LRP2: variants seen among roughly 807,000 people sequenced by gnomAD.
LRP2 encodes the protein low-density lipoprotein receptor-related protein 2.
LRP2 carries 172 observed loss-of-function variants against 531.0 expected under a neutral mutation model. That is an observed-to-expected ratio of 0.32 (90% CI 0.29 to 0.37). The LOEUF (loss-of-function observed/expected upper bound fraction) is 0.37, where lower values mean the gene tolerates loss of function less well. Among genes scored for constraint, LRP2 ranks in the 10% least tolerant of loss-of-function variants. The pLI is 1.00. For missense variants in LRP2, 5,167 were observed against 5,868.3 expected (o/e 0.88, Z 3.90); for synonymous variants, 1,992 against 2,027.6 (o/e 0.98, Z 0.47).
chr2:169,181,581 T>G lies in LRP2; in HGVS notation c.10036A>C (p.Ile3346Leu), dbSNP rs369484329. The G allele has an allele frequency of 6.2e-7, 1 of 1,614,150 alleles. No homozygotes were observed. The highest frequency in any genetic ancestry group is 8.5e-7 in the Non-Finnish European group (1 of 1,180,020). ...YWADWGHRAY[I>L]GRVGMDGTNK... ...GTTCCATCCATGCCTACTCTCCCAA[T>G]GTATGCGCGGTGACCCCAGTCTGCC... The change falls in exon 52 of 79, where the codon ATT becomes CTT. Residue 3346 changes from isoleucine to leucine, a missense_variant. This residue lies in a region of LRP2 where 1,129 missense variants were observed against 1,362.7 expected (regional missense o/e 0.83). Transcript: ENST00000649046.
chr2:169,291,326 T>C (rs1683993454), intron 7 of LRP2, among the ~76,000 whole-genome samples: 1 of 152,230 alleles, frequency 6.6e-6, no homozygotes, highest in African/African-American at 2.4e-5. Context: ...TCATGAATTA[T>C]AGAATTAGGG....
Position 169,160,288 on chromosome 2 carries a change from AT to A in LRP2, c.11887+2183del, listed in dbSNP as rs1268045859. ...TTTAGGTGCTCTTACCACAAAAATA[AT>A]TTTTTTAAAGATAACTATGTGAGAT... On this transcript the variant is annotated intron_variant, in intron 63 of 78. Transcript: ENST00000649046. 5.9e-5 allele frequency among the ~76,000 whole-genome samples: 9 copies of A among 152,278 alleles called. No homozygotes were observed. The East Asian group carries it at 1.5e-3, about 26-fold the overall frequency.
Position 169,191,844 on chromosome 2 carries a change from G to C in LRP2, c.9020C>G (p.Pro3007Arg), listed in dbSNP as rs2105311026. ...ATCCTCAATTCACCTGAATATCTTTGGGATACACAGTCCGTAACCACAGGT... is the reference window on the plus strand; with the variant it reads ...ATCCTCAATTCACCTGAATATCTTTCGGATACACAGTCCGTAACCACAGGT... ...EFTCGYGLCI[P>R]KIFRCDRHND... The change falls in exon 48 of 79, where the codon CCA (proline) becomes CGA (arginine). Residue 3007 changes from proline to arginine, a missense_variant. Transcript: ENST00000649046. 6.2e-7 allele frequency: 1 copy of C among 1,613,778 alleles called. No homozygotes were observed. Among genetic ancestry groups the C allele is most frequent in the South Asian group, 1.1e-5 (1 of 91,060 alleles).
intron 52 of LRP2, 84 bp from the exon 53 acceptor site, chr2:169,178,110 A>T: frequency 1.0e-6 from 1 of 1,004,280 alleles, no homozygotes; most frequent in Non-Finnish European, 1.5e-6. Flanking sequence ...TTCACAAATC[A>T]ATAAAATTCT....
At chr2:169,134,986 C>T (rs1263510645) in intron 76 of LRP2, among the ~76,000 whole-genome samples, 1 of 152,176 alleles carries the variant, frequency 6.6e-6, no homozygotes, top group Non-Finnish European at 1.5e-5. Context: ...ATTAGTCACT[C>T]CCACCTAGTC....
chr2:169,191,768 T>C (rs1687837361), intron 48 of LRP2, 64 bp downstream of exon 48: 6 of 1,431,886 alleles, frequency 4.2e-6, no homozygotes, highest in Non-Finnish European at 5.9e-6. Context: ...GCCTGATAGG[T>C]AAGTGAGCCC....
chr2:169,169,267 C>T (rs1049803835), intron 60 of LRP2, among the ~76,000 whole-genome samples: 2 of 152,184 alleles, frequency 1.3e-5, no homozygotes, highest in African/African-American at 4.8e-5. Context: ...GAGGGGCTGG[C>T]CCCCTTCAAG....
intron 44 of LRP2, 110 bp downstream of exon 44, chr2:169,201,518 A>G: frequency 6.8e-7 from 1 of 1,465,278 alleles, no homozygotes; most frequent in Admixed American, 2.0e-5. Flanking sequence ...TTTTAGATAA[A>G]TACTTAGGGT....
intron 19 of LRP2, among the ~76,000 whole-genome samples, chr2:169,254,909 G>A (rs1690242423): frequency 6.6e-6 from 1 of 151,934 alleles, no homozygotes; most frequent in Non-Finnish European, 1.5e-5. Context: ...GCGGCGGGAG[G>A]GGGACGGGAG....
chr2:169,170,921 GTTTTTTTTTTTTTT>G (rs57451386), intron 58 of LRP2, among the ~76,000 whole-genome samples: 2 of 91,868 alleles, frequency 2.2e-5, no homozygotes, highest in Non-Finnish European at 2.0e-5. Flanking sequence ...CTCTCTCTCT[GTTTTTTTTTTTTTT>G]TTTTTTTTTG....
At chr2:169,132,437 A>G (rs928063942) in intron 77 of LRP2, 137 bp downstream of exon 77, 31 of 644,628 alleles carry the variant, frequency 4.8e-5, no homozygotes, top group Middle Eastern at 2.5e-4. Context: ...TTAAAAAATT[A>G]TATTTATTAA....
In LRP2 at chr2:169,288,641, G is replaced by T. The variant is rs117480211; in HGVS notation, c.1042+385C>A. On this transcript the variant is annotated intron_variant, in intron 9 of 78. Coordinates refer to ENST00000649046, the MANE Select transcript of LRP2 (RefSeq NM_004525.3). Reference sequence around the variant, plus strand: ...GAGGCCAGGGGAGCAAGGTAGCGGTGCTTGCTGGGCTCAGGCAGCAGCTAT... The same window carrying T: ...GAGGCCAGGGGAGCAAGGTAGCGGTTCTTGCTGGGCTCAGGCAGCAGCTAT... 2.0e-3 allele frequency among the ~76,000 whole-genome samples: 310 copies of T among 152,274 alleles called. 11 individuals carry two copies. The East Asian group carries it at 0.046, about 22-fold the overall frequency.
At chr2:169,192,126 G>T in intron 47 of LRP2, 93 bp from the exon 48 acceptor site, 1 of 896,182 alleles carries the variant, frequency 1.1e-6, no homozygotes, top group Non-Finnish European at 1.7e-6. Context: ...TTCTAAGTAT[G>T]AAAGGAAATG....
At chr2:169,268,540 T>C (rs1683300376) in intron 16 of LRP2, among the ~76,000 whole-genome samples, 1 of 152,182 alleles carries the variant, frequency 6.6e-6, no homozygotes, top group African/African-American at 2.4e-5. Flanking sequence ...AGAAAAGGCC[T>C]TTGACAAAAT....
chr2:169,268,438 C>A (rs541343511), intron 16 of LRP2, among the ~76,000 whole-genome samples: 1 of 152,328 alleles, frequency 6.6e-6, no homozygotes, highest in African/African-American at 2.4e-5. Context: ...CCCTGTGATG[C>A]AATGCTGGTT....
Position 169,193,900 on chromosome 2 carries a change from G to C in LRP2, c.8699-8C>G, listed in dbSNP as rs145301652. The C allele has an allele frequency of 7.4e-6, 12 of 1,614,002 alleles. No homozygotes were observed. Among genetic ancestry groups the C allele is most frequent in the Non-Finnish European group, 8.5e-6 (10 of 1,180,018 alleles). On this transcript the variant is annotated splice_region_variant and splice_polypyrimidine_tract_variant and intron_variant, in intron 46 of 78. Transcript: ENST00000649046. ...ATGTTCGCTCAGAGTGACCTGAAAA[G>C]ATCAATAGCATTCTCAGTGAAAAAA...
chr2:169,157,631 G>A (rs1277535668), intron 63 of LRP2, 129 bp from the exon 64 acceptor site: 3 of 1,018,592 alleles, frequency 2.9e-6, no homozygotes, highest in Non-Finnish European at 3.0e-6. Context: ...CATAAGCCTT[G>A]GAGAGGACAG....
At position 169,243,455 on chromosome 2, in the gene LRP2, A is replaced by C. The variant is rs1281511829; in HGVS notation, c.3498T>G (p.Phe1166Leu). The C allele has an allele frequency of 6.2e-6, 10 of 1,614,198 alleles. No homozygotes were observed. The Middle Eastern group carries it at 4.9e-4, about 80-fold the overall frequency. The part of the protein sequence containing the change: ...CPNHRCIDLS[F>L]VCDGDKDCVD... ...CACAATCCTTGTCACCATCACAGAC[A>C]AACGATAGGTCAATACATCGATGAT... Residue 1166 changes from phenylalanine (F) to leucine (L), a missense_variant, in exon 23 of 79, where the codon TTT becomes TTG. Phe to Leu is a conservative substitution (Grantham distance 22). Around this residue, in one of 6 missense-constraint regions of LRP2, gnomAD observed 2,811 missense variants for 3,058.0 expected, o/e 0.92. Coordinates refer to ENST00000649046, the MANE Select transcript of LRP2 (RefSeq NM_004525.3).
Position 169,220,558 on chromosome 2 carries a change from C to G in LRP2, c.5544G>C (p.Leu1848Phe). 1 of 1,605,612 alleles carries G rather than the reference C, an allele frequency of 6.2e-7. No individual in the cohort carries two copies. The highest frequency in any genetic ancestry group is 8.5e-7 in the Non-Finnish European group (1 of 1,172,998). Residue 1848 changes from leucine to phenylalanine, a missense_variant, in exon 34 of 79, where the codon TTG (leucine) becomes TTC (phenylalanine). Physicochemically the swap from Leu to Phe is conservative, Grantham distance 22 (BLOSUM62 0). Coordinates refer to ENST00000649046, the MANE Select transcript of LRP2 (RefSeq NM_004525.3). Reference sequence around the variant, plus strand: ...TGTATCTGATATCTCCGTGGAGTGTCAAAACCTATAGCATAAAATCACTTA... The same window carrying G: ...TGTATCTGATATCTCCGTGGAGTGTGAAAACCTATAGCATAAAATCACTTA... The part of the protein sequence containing the change: ...TNPRTQSIEV[L>F]TLHGDIRYRK...
Sources: gnomAD v4.1 joint callset for allele counts (sites outside exome capture counted in the v4.1 genomes callset) on GRCh38, gnomAD v4.1.1 for gene constraint, gnomAD v4.1.1 regional missense constraint, MANE v1.5 for transcripts, NCBI Gene and HGNC (gene_info 2026-07-23, HGNC 2026-07-21) for gene names.